Variants in NRXN3 observed in about 807,000 individuals in gnomAD.
NRXN3 encodes the protein neurexin III.
A neutral mutation model predicts 137.6 loss-of-function variants in NRXN3; 32 were observed. The observed-to-expected ratio is 0.23, with a 90% CI of 0.18 to 0.31. The LOEUF (loss-of-function observed/expected upper bound fraction) is 0.31, where lower values mean the gene tolerates loss of function less well. NRXN3 is among the 10% of genes least tolerant of loss of function. The pLI, the probability that NRXN3 is intolerant of heterozygous loss-of-function variation, is 1.00. For missense variants in NRXN3, 1,574 were observed against 2,062.5 expected (o/e 0.76, Z 4.59); for synonymous variants, 798 against 784.5 (o/e 1.02, Z -0.29).
intron 19 of NRXN3, among the ~76,000 whole-genome samples, chr14:79,803,910 T>TAC (rs1370757808): frequency 7.1e-6 from 1 of 139,920 alleles, no homozygotes; most frequent in African/African-American, 2.8e-5. Context: ...TATATATATA[T>TAC]ATGTATATAT....
At chr14:78,937,098 C>T (rs1488394326) in intron 10 of NRXN3, among the ~76,000 whole-genome samples, 8 of 149,550 alleles carry the variant, frequency 5.3e-5, no homozygotes, top group Non-Finnish European at 4.4e-5. Flanking sequence ...GGCAGGCACC[C>T]GTAATCCCAG....
chr14:79,372,619 T>C lies in NRXN3; in HGVS notation c.3263-94602T>C, dbSNP rs557510420. On this transcript the variant is annotated intron_variant, in intron 15 of 20. Coordinates refer to ENST00000335750, the MANE Select transcript of NRXN3 (RefSeq NM_001330195.2). ...CCCCTCTCTTGATTGTCCATTTTCT[T>C]GATCATGCAATGTGGTATTTTAAGT... is the stretch of plus-strand genomic sequence containing the variant. 4.9e-4 allele frequency among the ~76,000 whole-genome samples: 74 copies of C among 152,294 alleles called. 1 individual carries two copies. The South Asian group carries it at 0.015, about 31-fold the overall frequency.
chr14:79,141,330 A>C (rs748658408), intron 15 of NRXN3, among the ~76,000 whole-genome samples: 2 of 152,212 alleles, frequency 1.3e-5, no homozygotes, highest in Non-Finnish European at 2.9e-5. Context: ...CCCCTTGTCC[A>C]TATCACATGT....
chr14:78,943,162 A>G (rs74069231), intron 10 of NRXN3, among the ~76,000 whole-genome samples: 13,755 of 152,226 alleles, frequency 0.09, 1,292 homozygotes, highest in East Asian at 0.43. Flanking sequence ...GTTAAGTAAT[A>G]GACAGGGGAA....
intron 16 of NRXN3, among the ~76,000 whole-genome samples, chr14:79,473,883 C>T (rs542841491): frequency 7.4e-4 from 109 of 148,058 alleles, no homozygotes; most frequent in African/African-American, 2.5e-3. Flanking sequence ...CCAGCAGAGT[C>T]GGAGAAGAAG....
chr14:79,826,044 A>C (rs1041405175), intron 20 of NRXN3, among the ~76,000 whole-genome samples: 4 of 152,006 alleles, frequency 2.6e-5, no homozygotes, highest in Non-Finnish European at 5.9e-5. Flanking sequence ...AATCCAGGCT[A>C]GAGTGCAGTG....
At chr14:79,159,496 A>G (rs576430122) in intron 15 of NRXN3, among the ~76,000 whole-genome samples, 58 of 151,984 alleles carry the variant, frequency 3.8e-4, no homozygotes, top group African/African-American at 1.4e-3. Flanking sequence ...CATGCTGCTA[A>G]TTGATAGTCC....
At chr14:79,824,799 G>A (rs1296354763) in intron 20 of NRXN3, among the ~76,000 whole-genome samples, 1 of 152,162 alleles carries the variant, frequency 6.6e-6, no homozygotes, top group African/African-American at 2.4e-5. Context: ...GAATTTATCA[G>A]AAGCTGCTCA....
chr14:79,061,542 T>C lies in NRXN3; in HGVS notation c.3262+73401T>C, dbSNP rs138812675. On this transcript the variant is annotated intron_variant, in intron 15 of 20. Coordinates refer to ENST00000335750, the MANE Select transcript of NRXN3 (RefSeq NM_001330195.2). ...AGTGACTGGAATATAGGGGACAAGATTGAAAGTAAAACTTACAAGGACGAC... is the reference window on the plus strand; with the variant it reads ...AGTGACTGGAATATAGGGGACAAGACTGAAAGTAAAACTTACAAGGACGAC... 5.0e-3 allele frequency among the ~76,000 whole-genome samples: 757 copies of C among 152,276 alleles called. 3 individuals are homozygous for C. The highest frequency in any genetic ancestry group is 9.0e-3 in the Non-Finnish European group (612 of 68,016).
At chr14:78,835,519 C>T (rs2098994222) in intron 10 of NRXN3, among the ~76,000 whole-genome samples, 1 of 152,154 alleles carries the variant, frequency 6.6e-6, no homozygotes, top group African/African-American at 2.4e-5. Context: ...GCTCTGGGCA[C>T]TTGGCATCCA....
chr14:78,975,631 C>T (rs181125035), intron 14 of NRXN3, among the ~76,000 whole-genome samples: 2 of 152,202 alleles, frequency 1.3e-5, no homozygotes, highest in East Asian at 3.9e-4. Context: ...AGAGCAGATT[C>T]AGGAGTGAAG....
intron 16 of NRXN3, among the ~76,000 whole-genome samples, chr14:79,472,250 A>G (rs2096519651): frequency 6.6e-6 from 1 of 152,066 alleles, no homozygotes; most frequent in Non-Finnish European, 1.5e-5. Flanking sequence ...TGGCCAAGGG[A>G]GCAGAGGCTC....
intron 15 of NRXN3, among the ~76,000 whole-genome samples, chr14:79,031,823 T>C (rs1267698565): frequency 6.6e-6 from 1 of 152,194 alleles, no homozygotes; most frequent in African/African-American, 2.4e-5. Flanking sequence ...TTGGACCATA[T>C]GTAAATTAAT....
intron 15 of NRXN3, among the ~76,000 whole-genome samples, chr14:79,123,220 T>C (rs1477912024): frequency 6.6e-6 from 1 of 151,868 alleles, no homozygotes; most frequent in Non-Finnish European, 1.5e-5. Flanking sequence ...TGTGTGCGTG[T>C]GTGTGTGCGC....
At chr14:78,400,470 A>G (rs1473605805) in intron 4 of NRXN3, among the ~76,000 whole-genome samples, 1 of 152,110 alleles carries the variant, frequency 6.6e-6, no homozygotes, top group African/African-American at 2.4e-5. Context: ...CAGTCTATTA[A>G]CTCCCAAGTA....
At chr14:79,530,678 G>T (rs972133337) in intron 16 of NRXN3, among the ~76,000 whole-genome samples, 67 of 150,836 alleles carry the variant, frequency 4.4e-4, no homozygotes, top group African/African-American at 1.4e-3. Context: ...TTGAAGAAAA[G>T]AAATAAGACA....
chr14:78,843,605 T>C lies in NRXN3; in HGVS notation c.2275+33261T>C, dbSNP rs147713306. Reference sequence around the variant, plus strand: ...AGTGGCAGAATTTGCTTCTTCAGTGTCAAAGTAGATTCAATGAGAGCAGCA... The same window carrying C: ...AGTGGCAGAATTTGCTTCTTCAGTGCCAAAGTAGATTCAATGAGAGCAGCA... On this transcript the variant is annotated intron_variant, in intron 10 of 20. Transcript: ENST00000335750. Among the ~76,000 whole-genome samples the C allele has an allele frequency of 6.1e-3, 935 of 152,236 alleles. 7 individuals are homozygous for C. Among genetic ancestry groups the C allele is most frequent in the African/African-American group, 0.022 (895 of 41,548 alleles).
chr14:79,735,885 C>T (rs2098940169), intron 19 of NRXN3, among the ~76,000 whole-genome samples: 1 of 152,194 alleles, frequency 6.6e-6, no homozygotes, highest in African/African-American at 2.4e-5. Flanking sequence ...AAATAATTAG[C>T]TCTTCCTGTT....
intron 4 of NRXN3, among the ~76,000 whole-genome samples, chr14:78,388,691 A>C (rs745610586): frequency 6.6e-6 from 1 of 152,158 alleles, no homozygotes; most frequent in Non-Finnish European, 1.5e-5. Context: ...AACCCTTTAT[A>C]GAGTTAGCTG....
Sources: gnomAD v4.1 joint callset for allele counts (sites outside exome capture counted in the v4.1 genomes callset) on GRCh38, gnomAD v4.1.1 for gene constraint, MANE v1.5 for transcripts, NCBI Gene and HGNC (gene_info 2026-07-23, HGNC 2026-07-21) for gene names.